The following SLK variants were observed in gnomAD, a reference collection of about 807,000 sequenced individuals.
SLK encodes STE20-like serine/threonine-protein kinase.
SLK carries 67 observed loss-of-function variants against 147.7 expected under a neutral mutation model. The observed-to-expected ratio is 0.45, with a 90% CI of 0.37 to 0.56. The LOEUF (loss-of-function observed/expected upper bound fraction) is 0.56. Ranked by LOEUF, SLK falls within the 20% of genes least tolerant of loss-of-function variation. The pLI, the probability that SLK is intolerant of heterozygous loss-of-function variation, is 0.00. For synonymous variants in SLK, 441 were observed against 475.0 expected (o/e 0.93, Z 0.93); for missense variants, 1,136 against 1,438.8 (o/e 0.79, Z 3.41).
In SLK at chr10:103,993,042, T is replaced by G; in HGVS notation, c.423T>G (p.Asp141Glu). 6.2e-7 allele frequency: 1 copy of G among 1,609,934 alleles called. No homozygotes were observed. The highest frequency in any genetic ancestry group is 8.5e-7 in the Non-Finnish European group (1 of 1,176,684). ...QIQVVCKQTL[D>E]ALNYLHDNKI... is the part of the protein sequence containing the mutation. ...AAGTAGTTTGCAAGCAGACTTTAGATGCATTGAACTACTTACATGATAATA... is the reference window on the plus strand; with the variant it reads ...AAGTAGTTTGCAAGCAGACTTTAGAGGCATTGAACTACTTACATGATAATA... Residue 141 changes from aspartate (D) to glutamate (E), a missense_variant, in exon 4 of 19, where the codon GAT becomes GAG. By Grantham distance (45) the Asp-to-Glu change is conservative. Coordinates refer to ENST00000369755, the MANE Select transcript of SLK (RefSeq NM_014720.4).
intron 15 of SLK, 80 bp downstream of exon 15, chr10:104,018,988 T>A: frequency 1.5e-6 from 2 of 1,339,878 alleles, no homozygotes. Flanking sequence ...CTTAAGTTTC[T>A]TAGATAATGA....
chr10:104,002,191 G>T lies in SLK; in HGVS notation c.1013G>T (p.Arg338Leu), dbSNP rs201543977. Residue 338 changes from arginine (R) to leucine (L), a missense_variant, in exon 9 of 19, where the codon CGT becomes CTT. Transcript: ENST00000369755. The part of the protein sequence containing the change: ...ENSLPIPASK[R>L]ASSDLSIASS... ...TTTTAGCCAATACCTGCAAGTAAGCGTGCATCTTCTGACCTTAGTATCGCC... is the reference window on the plus strand; with the variant it reads ...TTTTAGCCAATACCTGCAAGTAAGCTTGCATCTTCTGACCTTAGTATCGCC... 1.9e-6 allele frequency: 3 copies of T among 1,583,590 alleles called. No homozygotes were observed. Among genetic ancestry groups the T allele is most frequent in the Non-Finnish European group, 2.6e-6 (3 of 1,165,020 alleles).
intron 1 of SLK, among the ~76,000 whole-genome samples, chr10:103,979,636 C>T (rs559659589): frequency 6.6e-6 from 1 of 152,102 alleles, no homozygotes; most frequent in African/African-American, 2.4e-5. Context: ...TGAGGTTGAG[C>T]TCATTTTCAT....
intron 1 of SLK, among the ~76,000 whole-genome samples, chr10:103,985,877 C>A (rs953891443): frequency 1.3e-5 from 2 of 152,196 alleles, no homozygotes; most frequent in South Asian, 4.1e-4. Context: ...GAATATGAAA[C>A]CAGTATGGAA....
At chr10:104,020,658 C>A (rs200509936) in intron 17 of SLK, 45 bp downstream of exon 17, 1 of 1,580,548 alleles carries the variant, frequency 6.3e-7, no homozygotes, top group Non-Finnish European at 8.6e-7. Context: ...GATGCGGCAG[C>A]ACAAGTGGCT....
chr10:103,989,658 C>T lies in SLK; in HGVS notation c.151-1017C>T, dbSNP rs189372258. ...TAATTTTTTGTATTTTTAGTAGAGA[C>T]GGGGTTTCACCATGTTAGCCAGGAT... On this transcript the variant is annotated intron_variant, in intron 1 of 18. Coordinates refer to ENST00000369755, the MANE Select transcript of SLK (RefSeq NM_014720.4). Among the ~76,000 whole-genome samples the T allele has an allele frequency of 1.6e-3, 243 of 151,918 alleles. 1 individual carries two copies. The highest frequency in any genetic ancestry group is 9.5e-3 in the East Asian group (49 of 5,170).
chr10:104,006,451 CAG>C (rs1347236159), intron 11 of SLK, among the ~76,000 whole-genome samples: 1 of 152,160 alleles, frequency 6.6e-6, no homozygotes, highest in African/African-American at 2.4e-5. Flanking sequence ...TAGGACTCCT[CAG>C]GGGCTTTTTA....
At chr10:103,992,159 T>TC (rs1844105033) in intron 2 of SLK, among the ~76,000 whole-genome samples, 1 of 138,944 alleles carries the variant, frequency 7.2e-6, no homozygotes, top group African/African-American at 2.6e-5. Flanking sequence ...TTTTTTTTTT[T>TC]CTAAAAGAAG....
intron 1 of SLK, among the ~76,000 whole-genome samples, chr10:103,977,883 T>TA (rs751221045): frequency 1.2e-4 from 19 of 152,152 alleles, no homozygotes; most frequent in Non-Finnish European, 1.9e-4. Context: ...TGTTGATATG[T>TA]AAAAAAAGTT....
intron 1 of SLK, among the ~76,000 whole-genome samples, chr10:103,988,492 A>G (rs1589530761): frequency 1.3e-5 from 2 of 152,134 alleles, no homozygotes; most frequent in East Asian, 3.8e-4. Context: ...TGCAACCTCT[A>G]GCATAAATGG....
intron 4 of SLK, among the ~76,000 whole-genome samples, chr10:103,997,310 T>C (rs903306615): frequency 1.3e-5 from 2 of 152,236 alleles, no homozygotes; most frequent in African/African-American, 4.8e-5. Flanking sequence ...ACATTTTGTT[T>C]ATCCGTTCAT....
chr10:103,991,286 A>G (rs577694302), intron 2 of SLK, among the ~76,000 whole-genome samples: 3 of 152,136 alleles, frequency 2.0e-5, no homozygotes, highest in Non-Finnish European at 4.4e-5. Context: ...ATCAGGTTCA[A>G]CTTTAGTGCA....
Position 103,967,711 on chromosome 10 carries a change from C to G in SLK, c.-35C>G. The G allele has an allele frequency of 6.2e-7, 1 of 1,608,392 alleles. No homozygotes were observed. Among genetic ancestry groups the G allele is most frequent in the Non-Finnish European group, 8.5e-7 (1 of 1,176,152 alleles). Reference sequence around the variant, plus strand: ...AACTTTGCCTTTTATTGTTTTTAGTCCTTAAGTGCAAGGAACTCTGTGTTG... The same window carrying G: ...AACTTTGCCTTTTATTGTTTTTAGTGCTTAAGTGCAAGGAACTCTGTGTTG... On this transcript the variant is annotated 5_prime_UTR_variant, in exon 1 of 19. Transcript: ENST00000369755.
intron 1 of SLK, among the ~76,000 whole-genome samples, chr10:103,983,935 A>C (rs944488779): frequency 6.6e-6 from 1 of 152,170 alleles, no homozygotes; most frequent in Non-Finnish European, 1.5e-5. Flanking sequence ...CAAGCTTCTG[A>C]ATTTTAATAA....
At chr10:103,992,925 C>T in intron 3 of SLK, 59 bp from the exon 4 acceptor site, 1 of 1,267,370 alleles carries the variant, frequency 7.9e-7, no homozygotes, top group Non-Finnish European at 1.1e-6. Flanking sequence ...GGTATATAGC[C>T]TGCTAATATG....
intron 6 of SLK, 139 bp from the exon 7 acceptor site, chr10:103,999,728 G>T: frequency 2.0e-6 from 1 of 504,006 alleles, no homozygotes; most frequent in Non-Finnish European, 3.6e-6. Context: ...AATCTTAATA[G>T]TCTCATTAAC....
chr10:104,021,675 A>G lies in SLK; in HGVS notation c.3503A>G (p.Asp1168Gly), dbSNP rs767503181. ...EHETQKLKEL[D>G]EEHSQELKEW... ...GAGACTCAGAAACTGAAGGAGTTAG[A>G]TGAGGAACATAGCCAAGAATTAAAG... Residue 1168 changes from aspartate to glycine, a missense_variant, in exon 18 of 19, where the codon GAT (aspartate) becomes GGT (glycine). By Grantham distance (94) the Asp-to-Gly change is moderately conservative (BLOSUM62 -1). Around this residue, in one of 6 missense-constraint regions of SLK, gnomAD observed 327 missense variants for 457.5 expected, o/e 0.71. Transcript: ENST00000369755. 6.2e-7 allele frequency: 1 copy of G among 1,611,570 alleles called. No individual in the cohort carries two copies. Among genetic ancestry groups the G allele is most frequent in the Non-Finnish European group, 8.5e-7 (1 of 1,178,462 alleles).
chr10:103,984,905 A>G (rs1843992788), intron 1 of SLK, among the ~76,000 whole-genome samples: 1 of 152,218 alleles, frequency 6.6e-6, no homozygotes, highest in African/African-American at 2.4e-5. Flanking sequence ...TGTTGGAAGA[A>G]TGAATGGATT....
At chr10:103,979,741 T>C (rs1843917172) in intron 1 of SLK, among the ~76,000 whole-genome samples, 2 of 152,212 alleles carry the variant, frequency 1.3e-5, no homozygotes, top group Admixed American at 6.5e-5. Context: ...TGGGGGTCAT[T>C]ATACATTTTG....
Sources: allele counts gnomAD v4.1 joint callset (sites outside exome capture counted in the v4.1 genomes callset), GRCh38; gene constraint gnomAD v4.1.1; regional missense constraint gnomAD v4.1.1; transcripts MANE v1.5; gene names NCBI Gene and HGNC (gene_info 2026-07-23, HGNC 2026-07-21).